Variants in RORB observed in about 807,000 individuals in gnomAD.
The protein encoded by RORB is RAR related orphan receptor B, also known as nuclear receptor ROR-beta.
Under a neutral mutation model 59.1 loss-of-function variants are expected in RORB, and 6 were observed. That is an observed-to-expected ratio of 0.10 (90% confidence interval 0.06 to 0.20). The LOEUF (loss-of-function observed/expected upper bound fraction) is 0.20, where lower values mean the gene tolerates loss of function less well. Among genes scored for constraint, RORB ranks in the 10% least tolerant of loss-of-function variants. RORB has a pLI of 1.00. For synonymous variants in RORB, 215 were observed against 204.5 expected (o/e 1.05, Z -0.44); for missense variants, 320 against 560.5 (o/e 0.57, Z 4.33).
In RORB at chr9:74,671,803, A is replaced by G; in HGVS notation, c.1126A>G (p.Ile376Val). The G allele has an allele frequency of 5.0e-6, 8 of 1,611,582 alleles. No homozygotes were observed. The highest frequency in any genetic ancestry group is 6.8e-6 in the Non-Finnish European group (8 of 1,178,258). The change falls in exon 9 of 10, where the codon ATA (isoleucine) becomes GTA (valine). Residue 376 changes from isoleucine to valine, a missense_variant. Ile to Val is a conservative substitution (Grantham distance 29). Around this residue, in one of 4 missense-constraint regions of RORB, gnomAD observed 109 missense variants for 171.0 expected, o/e 0.64. Transcript: ENST00000376896. ...TCTTTCATCAGACCGAGCCTGGCTT[A>G]TAGAACCAAGGAAAGTCCAGAAGCT... ...VLISPDRAWL[I>V]EPRKVQKLQE...
At chr9:74,609,416 A>G (rs1387655108) in intron 1 of RORB, among the ~76,000 whole-genome samples, 1 of 152,198 alleles carries the variant, frequency 6.6e-6, no homozygotes, top group East Asian at 1.9e-4. Flanking sequence ...AACTCAAAGG[A>G]TAAATTAATG....
intron 1 of RORB, among the ~76,000 whole-genome samples, chr9:74,539,857 C>G (rs1017988091): frequency 7.3e-6 from 1 of 137,652 alleles, no homozygotes; most frequent in Non-Finnish European, 1.6e-5. Flanking sequence ...CACTTACCCA[C>G]CTTAACCTCT....
chr9:74,558,261 C>T (rs1296870755), intron 1 of RORB, among the ~76,000 whole-genome samples: 6 of 152,070 alleles, frequency 3.9e-5, no homozygotes, highest in East Asian at 1.9e-4. Context: ...TGTGTGCCTA[C>T]GGTTTGAAAG....
intron 1 of RORB, among the ~76,000 whole-genome samples, chr9:74,519,785 T>A (rs573594551): frequency 6.6e-6 from 1 of 152,050 alleles, no homozygotes; most frequent in African/African-American, 2.4e-5. Flanking sequence ...ATTTCTTAAA[T>A]TAAATGTGTC....
At chr9:74,667,396 T>C (rs954663524) in intron 7 of RORB, among the ~76,000 whole-genome samples, 2 of 152,214 alleles carry the variant, frequency 1.3e-5, no homozygotes, top group African/African-American at 4.8e-5. Flanking sequence ...AGCCCCTGTA[T>C]GTAATGTTTT....
Position 74,692,658 on chromosome 9 carries a change from T to A in RORB, c.*7040T>A, listed in dbSNP as rs992367655. The A allele has an allele frequency of 6.6e-6, 1 of 152,274 alleles. No homozygotes were observed. The highest frequency in any genetic ancestry group is 2.1e-4 in the South Asian group (1 of 4,828). The allele number at this position is 152,274 out of a possible 1,614,324, so 9.4% of individuals were successfully genotyped here. The stretch of plus-strand genomic sequence containing the variant: ...TTGCCACAAGTATGTAAAATAAAAA[T>A]ATTCACTCTAAAAAGAATAATAATT... On this transcript the variant is annotated 3_prime_UTR_variant, in exon 10 of 10. Transcript: ENST00000376896.
chr9:74,632,178 T>G (rs1041809866), intron 2 of RORB, among the ~76,000 whole-genome samples: 2 of 152,138 alleles, frequency 1.3e-5, no homozygotes, highest in African/African-American at 4.8e-5. Flanking sequence ...TCCAAAAAAT[T>G]TAACTAGTGC....
intron 7 of RORB, among the ~76,000 whole-genome samples, chr9:74,666,132 C>T (rs1015351510): frequency 1.3e-5 from 2 of 151,958 alleles, no homozygotes; most frequent in Admixed American, 1.3e-4. Context: ...TGCAAAAATA[C>T]AAAAATTAGC....
At chr9:74,547,182 A>G (rs1826511628) in intron 1 of RORB, among the ~76,000 whole-genome samples, 1 of 152,120 alleles carries the variant, frequency 6.6e-6, no homozygotes, top group Admixed American at 6.5e-5. Flanking sequence ...GAGAATTAAA[A>G]CTATAAGAAA....
At chr9:74,608,425 G>T (rs530329733) in intron 1 of RORB, among the ~76,000 whole-genome samples, 1 of 151,970 alleles carries the variant, frequency 6.6e-6, no homozygotes, top group Non-Finnish European at 1.5e-5. Flanking sequence ...TAAGCCGGGC[G>T]TGGTGGCGGG....
Position 74,589,316 on chromosome 9 carries a change from T to C in RORB, c.8-40966T>C, listed in dbSNP as rs138490371. 9.8e-5 allele frequency among the ~76,000 whole-genome samples: 15 copies of C among 152,338 alleles called. No individual in the cohort carries two copies. The East Asian group carries it at 1.9e-3, about 20-fold the overall frequency. On this transcript the variant is annotated intron_variant, in intron 1 of 9. Coordinates refer to ENST00000376896, the MANE Select transcript of RORB (RefSeq NM_006914.4). The stretch of plus-strand genomic sequence containing the variant: ...AACTTTAAGTGTGTTCCTGTGTCTT[T>C]CTATTTCTTCCATTCCCGAAATATG...
At chr9:74,684,404 A>G (rs1467922316) in intron 9 of RORB, among the ~76,000 whole-genome samples, 1 of 152,130 alleles carries the variant, frequency 6.6e-6, no homozygotes, top group Non-Finnish European at 1.5e-5. Context: ...CAGCCATATG[A>G]GCTATCATGC....
chr9:74,575,551 A>C (rs1053546413), intron 1 of RORB, among the ~76,000 whole-genome samples: 1 of 152,086 alleles, frequency 6.6e-6, no homozygotes, highest in Non-Finnish European at 1.5e-5. Flanking sequence ...AAAACTTTCT[A>C]ACTTTCATTT....
chr9:74,619,097 T>C (rs953940009), intron 1 of RORB, among the ~76,000 whole-genome samples: 3 of 152,218 alleles, frequency 2.0e-5, no homozygotes, highest in African/African-American at 4.8e-5. Flanking sequence ...TTTAACCCCA[T>C]TAACTAAGTC....
At chr9:74,563,914 G>T (rs992166212) in intron 1 of RORB, among the ~76,000 whole-genome samples, 2 of 152,194 alleles carry the variant, frequency 1.3e-5, no homozygotes, top group Admixed American at 1.3e-4. Context: ...AGGCAGGAAA[G>T]ACCAGTGATG....
chr9:74,663,657 C>T (rs1824224223), intron 6 of RORB, among the ~76,000 whole-genome samples: 1 of 152,168 alleles, frequency 6.6e-6, no homozygotes, highest in Admixed American at 6.5e-5. Context: ...TATCTCTGCT[C>T]CATGTGGTAT....
intron 8 of RORB, among the ~76,000 whole-genome samples, chr9:74,668,723 C>A (rs561911748): frequency 6.6e-6 from 1 of 152,080 alleles, no homozygotes; most frequent in African/African-American, 2.4e-5. Flanking sequence ...TCATCATGGT[C>A]GTCTTCATGC....
intron 1 of RORB, among the ~76,000 whole-genome samples, chr9:74,554,807 G>A (rs1218933711): frequency 6.6e-6 from 1 of 152,138 alleles, no homozygotes; most frequent in Non-Finnish European, 1.5e-5. Context: ...CTAGTAAGAT[G>A]GCATTAAGAA....
At chr9:74,534,181 T>C (rs923303430) in intron 1 of RORB, among the ~76,000 whole-genome samples, 1 of 152,058 alleles carries the variant, frequency 6.6e-6, no homozygotes, top group East Asian at 1.9e-4. Context: ...ATAGACTAAA[T>C]GCCTTTTAGC....
Sources: allele counts gnomAD v4.1 joint callset (sites outside exome capture counted in the v4.1 genomes callset), GRCh38; gene constraint gnomAD v4.1.1; regional missense constraint gnomAD v4.1.1; transcripts MANE v1.5; gene names NCBI Gene and HGNC (gene_info 2026-07-23, HGNC 2026-07-21).